Variants in ELAPOR1 observed in about 807,000 individuals in gnomAD.
ELAPOR1 encodes the protein endosome-lysosome associated apoptosis and autophagy regulator 1, also known as endosome/lysosome-associated apoptosis and autophagy regulator 1.
ELAPOR1 carries 77 observed loss-of-function variants against 119.7 expected under a neutral mutation model. The ratio of observed to expected loss-of-function variants is 0.64; its 90% CI spans 0.54 to 0.78. The LOEUF (loss-of-function observed/expected upper bound fraction) is 0.78. Among genes scored for constraint, ELAPOR1 ranks in the 30% least tolerant of loss-of-function variants. The pLI, the probability that ELAPOR1 is intolerant of heterozygous loss-of-function variation, is 0.00. For missense variants in ELAPOR1, 1,115 were observed against 1,270.4 expected (o/e 0.88, Z 1.86); for synonymous variants, 481 against 487.2 (o/e 0.99, Z 0.17).
intron 1 of ELAPOR1, among the ~76,000 whole-genome samples, chr1:109,124,500 A>G (rs1648652504): frequency 6.6e-6 from 1 of 152,230 alleles, no homozygotes; most frequent in Admixed American, 6.5e-5. Context: ...AGAATGAAGA[A>G]TACTGAAGTG....
chr1:109,128,546 A>C (rs961200004), intron 1 of ELAPOR1, among the ~76,000 whole-genome samples: 1 of 152,204 alleles, frequency 6.6e-6, no homozygotes, highest in African/African-American at 2.4e-5. Context: ...CTTAGTGGTC[A>C]TCCAGTCCCA....
chr1:109,199,221 T>A (rs1557703463), intron 18 of ELAPOR1, among the ~76,000 whole-genome samples: 1 of 152,238 alleles, frequency 6.6e-6, no homozygotes, highest in East Asian at 1.9e-4. Flanking sequence ...AATTTCTAAA[T>A]GAATATGACC....
At chr1:109,172,974 G>C (rs1484263860) in intron 5 of ELAPOR1, among the ~76,000 whole-genome samples, 1 of 151,988 alleles carries the variant, frequency 6.6e-6, no homozygotes, top group Non-Finnish European at 1.5e-5. Context: ...GCCCATGCTT[G>C]TAATCCCAGC....
chr1:109,165,754 T>A (rs1169927194), intron 3 of ELAPOR1, among the ~76,000 whole-genome samples: 1 of 149,202 alleles, frequency 6.7e-6, no homozygotes, highest in African/African-American at 2.5e-5. Flanking sequence ...TCTTCTTTTT[T>A]TTTTTTTTGA....
intron 2 of ELAPOR1, among the ~76,000 whole-genome samples, chr1:109,162,348 C>T (rs968395510): frequency 4.6e-5 from 7 of 152,216 alleles, no homozygotes; most frequent in Non-Finnish European, 1.0e-4. Flanking sequence ...CTCCAATCTA[C>T]ACTCACTCAC....
intron 19 of ELAPOR1, 29 bp downstream of exon 19, chr1:109,200,009 A>G: frequency 6.2e-7 from 1 of 1,613,766 alleles, no homozygotes; most frequent in Non-Finnish European, 8.5e-7. Context: ...GGGCACTTCC[A>G]TGAGAGAAGG....
chr1:109,149,572 C>T (rs1650399424), intron 1 of ELAPOR1, among the ~76,000 whole-genome samples: 2 of 152,154 alleles, frequency 1.3e-5, no homozygotes, highest in Admixed American at 1.3e-4. Flanking sequence ...TCTAGGGCCA[C>T]ACCCTGGCCC....
At chr1:109,151,325 A>AGGAG (rs1030738317) in intron 1 of ELAPOR1, among the ~76,000 whole-genome samples, 13 of 151,012 alleles carry the variant, frequency 8.6e-5, no homozygotes, top group African/African-American at 2.7e-4. Context: ...AGGGAGTGGG[A>AGGAG]GGAGGGAGGG....
rs755953977 is a variant in ELAPOR1 at position 109,189,621 on chromosome 1, A to G, written c.1378A>G (p.Thr460Ala). The G allele has an allele frequency of 8.7e-6, 14 of 1,613,942 alleles. No homozygotes were observed. Among genetic ancestry groups the G allele is most frequent in the African/African-American group, 1.3e-5 (1 of 74,912 alleles). Reference protein sequence around the residue: ...GWEVAGDHIYTAAGASDNDFM... With the variant: ...GWEVAGDHIYAAAGASDNDFM... The stretch of plus-strand genomic sequence containing the variant: ...GGAGGTGGCTGGTGATCACATTTAC[A>G]CAGCTGCTGGAGCCTCAGACAATGA... Residue 460 changes from threonine (T) to alanine (A), a missense_variant, in exon 11 of 22, where the codon ACA (threonine) becomes GCA (alanine). Physicochemically the swap from Thr to Ala is moderately conservative, Grantham distance 58 (BLOSUM62 0). Coordinates refer to ENST00000369939, the MANE Select transcript of ELAPOR1 (RefSeq NM_020775.5).
At chr1:109,202,912 G>A in intron 21 of ELAPOR1, 32 bp from the exon 22 acceptor site, 1 of 1,613,276 alleles carries the variant, frequency 6.2e-7, no homozygotes, top group Non-Finnish European at 8.5e-7. Flanking sequence ...CCCCTGTGCA[G>A]CAGCCAGCTC....
intron 3 of ELAPOR1, among the ~76,000 whole-genome samples, chr1:109,170,450 A>C (rs1319529566): frequency 6.6e-6 from 1 of 152,222 alleles, no homozygotes; most frequent in Non-Finnish European, 1.5e-5. Context: ...CCCATAGCAG[A>C]AGCAGATAGA....
At chr1:109,201,198 T>A in intron 21 of ELAPOR1, 1 of 489,648 alleles carries the variant, frequency 2.0e-6, no homozygotes, top group Non-Finnish European at 3.9e-6. Context: ...CCATCTATGT[T>A]GTAAGAATCA....
intron 1 of ELAPOR1, among the ~76,000 whole-genome samples, chr1:109,161,375 A>G (rs1651239428): frequency 7.3e-6 from 1 of 137,866 alleles, no homozygotes; most frequent in African/African-American, 2.8e-5. Context: ...ATCCCACTGC[A>G]CTCCAGCCTG....
intron 4 of ELAPOR1, 86 bp downstream of exon 4, chr1:109,172,099 C>A (rs1366179212): frequency 1.4e-5 from 20 of 1,472,520 alleles, no homozygotes; most frequent in Admixed American, 1.7e-5. Flanking sequence ...ATGAGTGTAG[C>A]CCTGCTTGGG....
intron 1 of ELAPOR1, among the ~76,000 whole-genome samples, chr1:109,159,543 A>G (rs915291737): frequency 3.9e-5 from 6 of 152,216 alleles, no homozygotes; most frequent in African/African-American, 1.4e-4. Flanking sequence ...CACACAACCA[A>G]CACTGTCATG....
At chr1:109,120,332 G>C (rs976552532) in intron 1 of ELAPOR1, among the ~76,000 whole-genome samples, 1 of 152,058 alleles carries the variant, frequency 6.6e-6, no homozygotes, top group African/African-American at 2.4e-5. Flanking sequence ...AGGAGGCAGA[G>C]GTTGCAGCAA....
chr1:109,133,950 G>A (rs2100985278), intron 1 of ELAPOR1, among the ~76,000 whole-genome samples: 1 of 152,254 alleles, frequency 6.6e-6, no homozygotes, highest in South Asian at 2.1e-4. Context: ...TTCTACTTTG[G>A]CAAAGTGTGA....
At chr1:109,136,920 G>A (rs1649507610) in intron 1 of ELAPOR1, among the ~76,000 whole-genome samples, 1 of 152,212 alleles carries the variant, frequency 6.6e-6, no homozygotes, top group Non-Finnish European at 1.5e-5. Flanking sequence ...TAACAACATA[G>A]CAAGGCAGTT....
At chr1:109,164,721 C>T (rs1264212161) in intron 3 of ELAPOR1, 30 bp downstream of exon 3, 1 of 1,588,274 alleles carries the variant, frequency 6.3e-7, no homozygotes, top group Admixed American at 1.7e-5. Context: ...CACCCCACCC[C>T]CAGCCCACTG....
Sources: allele counts gnomAD v4.1 joint callset (sites outside exome capture counted in the v4.1 genomes callset), GRCh38; gene constraint gnomAD v4.1.1; transcripts MANE v1.5; gene names NCBI Gene and HGNC (gene_info 2026-07-23, HGNC 2026-07-21).